Variants in PPP1R9A observed in about 807,000 individuals in gnomAD.
PPP1R9A encodes the protein neurabin-1.
In PPP1R9A, 59 loss-of-function variants were observed where a neutral mutation model predicts 141.9. The observed-to-expected ratio is 0.42, with a 90% CI of 0.34 to 0.52. The LOEUF (loss-of-function observed/expected upper bound fraction) is 0.52, where lower values mean the gene tolerates loss of function less well. Among genes scored for constraint, PPP1R9A ranks in the 20% least tolerant of loss-of-function variants. The pLI, the probability that PPP1R9A is intolerant of heterozygous loss-of-function variation, is 0.10. For missense variants in PPP1R9A, 1,444 were observed against 1,611.9 expected (o/e 0.90, Z 1.78); for synonymous variants, 500 against 569.7 (o/e 0.88, Z 1.74).
intron 4 of PPP1R9A, among the ~76,000 whole-genome samples, chr7:95,129,298 A>T (rs1248978327): frequency 6.6e-6 from 1 of 152,112 alleles, no homozygotes; most frequent in Non-Finnish European, 1.5e-5. Context: ...TATTCTTGTG[A>T]TAGTGAATGA....
chr7:95,037,237 T>C, intron 2 of PPP1R9A: 1 of 152,130 alleles, frequency 6.6e-6, no homozygotes, highest in Non-Finnish European at 1.5e-5. Flanking sequence ...GTTGGAAAAT[T>C]TCCATTATTA....
chr7:94,937,965 A>G (rs772359207), intron 2 of PPP1R9A, among the ~76,000 whole-genome samples: 20 of 152,180 alleles, frequency 1.3e-4, no homozygotes, highest in Non-Finnish European at 2.8e-4. Flanking sequence ...CCCAGGTACC[A>G]TCAGAGTTTT....
intron 7 of PPP1R9A, among the ~76,000 whole-genome samples, chr7:95,216,826 A>G (rs1432559643): frequency 6.6e-6 from 1 of 152,168 alleles, no homozygotes; most frequent in Non-Finnish European, 1.5e-5. Context: ...TTGTATCCTG[A>G]GACTTTGCTG....
At chr7:94,917,063 G>T (rs371200370) in intron 2 of PPP1R9A, among the ~76,000 whole-genome samples, 2 of 152,222 alleles carry the variant, frequency 1.3e-5, no homozygotes, top group East Asian at 3.9e-4. Flanking sequence ...TGATCTGACC[G>T]CGTTGGCCTC....
At chr7:95,100,222 C>A (rs1283329641) in intron 2 of PPP1R9A, among the ~76,000 whole-genome samples, 2 of 151,868 alleles carry the variant, frequency 1.3e-5, no homozygotes, top group African/African-American at 4.8e-5. Flanking sequence ...GAGTTTGAGA[C>A]CAGCCTGGGC....
At chr7:95,170,830 A>T (rs1197715423) in intron 5 of PPP1R9A, among the ~76,000 whole-genome samples, 1 of 151,656 alleles carries the variant, frequency 6.6e-6, no homozygotes, top group Non-Finnish European at 1.5e-5. Context: ...TTCATTTTTT[A>T]AAAAATTATT....
chr7:95,192,924 G>A (rs867202843), intron 5 of PPP1R9A, among the ~76,000 whole-genome samples: 7 of 152,060 alleles, frequency 4.6e-5, no homozygotes, highest in Non-Finnish European at 8.8e-5. Flanking sequence ...AGACACTTAA[G>A]AACGTATAGG....
At position 95,291,396 on chromosome 7, in the gene PPP1R9A, T is replaced by A. The variant is rs1806337329; in HGVS notation, c.*1093T>A. ...AGTTAGAGGAAACTGTCAGTTAACA[T>A]TTTAGAGAGATTTTGAATGGTTTTT... is the stretch of plus-strand genomic sequence containing the variant. On this transcript the variant is annotated 3_prime_UTR_variant, in exon 20 of 20. Transcript: ENST00000433360. 6.6e-6 allele frequency: 1 copy of A among 152,212 alleles called. No homozygotes were observed. The highest frequency in any genetic ancestry group is 2.1e-4 in the South Asian group (1 of 4,832). 9.4% of individuals were successfully genotyped at this position (152,212 alleles called of 1,614,324 possible).
rs1355627174 is a variant in PPP1R9A at position 95,294,158 on chromosome 7, A to G, written c.*3855A>G. 6.6e-6 allele frequency: 1 copy of G among 152,184 alleles called. No homozygotes were observed. The highest frequency in any genetic ancestry group is 1.5e-5 in the Non-Finnish European group (1 of 68,036). The allele number at this position is 152,184 out of a possible 1,614,324, so 9.4% of individuals were successfully genotyped here. ...AAAAGGTAAAATGGAAGAGAAAAGC[A>G]CAGTCCTTTCCTGTCTTTTCAAATT... is the stretch of plus-strand genomic sequence containing the variant. On this transcript the variant is annotated 3_prime_UTR_variant, in exon 20 of 20. Coordinates refer to ENST00000433360, the MANE Select transcript of PPP1R9A (RefSeq NM_001166160.2).
chr7:95,051,632 G>A (rs895746568), intron 2 of PPP1R9A, among the ~76,000 whole-genome samples: 1 of 151,950 alleles, frequency 6.6e-6, no homozygotes. Flanking sequence ...AATTTACTGA[G>A]GTATGAAAAA....
chr7:95,129,335 AAGG>A (rs773518595), intron 4 of PPP1R9A, among the ~76,000 whole-genome samples: 43 of 152,312 alleles, frequency 2.8e-4, no homozygotes, highest in Middle Eastern at 3.4e-3. Context: ...TGATTTTAAA[AAGG>A]AGAGATTCTC....
In PPP1R9A at chr7:95,260,542, G is replaced by A. The variant is rs1461462844; in HGVS notation, c.2666-8008G>A. 2.0e-5 allele frequency among the ~76,000 whole-genome samples: 3 copies of A among 152,032 alleles called. No individual in the cohort carries two copies. In the East Asian group the frequency reaches 5.8e-4, roughly 29 times the overall value. ...AAAAATACAAAAATTAGCTGGGCCT[G>A]GTGGTGGGCACCTGTAATCCCAGCT... On this transcript the variant is annotated intron_variant, in intron 12 of 19. Coordinates refer to ENST00000433360, the MANE Select transcript of PPP1R9A (RefSeq NM_001166160.2).
At chr7:95,214,527 T>C (rs950499981) in intron 7 of PPP1R9A, among the ~76,000 whole-genome samples, 1 of 152,180 alleles carries the variant, frequency 6.6e-6, no homozygotes, top group Non-Finnish European at 1.5e-5. Flanking sequence ...TCTTTTTTTT[T>C]CAACTAATCT....
chr7:95,267,144 T>G (rs1422325034), intron 12 of PPP1R9A, among the ~76,000 whole-genome samples: 1 of 152,128 alleles, frequency 6.6e-6, no homozygotes, highest in Non-Finnish European at 1.5e-5. Context: ...GTTAGAGCCA[T>G]ATACTAAGTG....
rs199976572 is a variant in PPP1R9A at position 94,910,754 on chromosome 7, C to G, written c.641C>G (p.Ser214Cys). 140 of 1,614,018 alleles carry G rather than the reference C, an allele frequency of 8.7e-5. No homozygotes were observed. Among genetic ancestry groups the G allele is most frequent in the Non-Finnish European group, 1.1e-4 (135 of 1,180,048 alleles). The stretch of plus-strand genomic sequence containing the variant: ...AGTGCAGTATTTGAGAACACTGATT[C>G]TCCCAGTGCCATCATTTCTGAGAAG... ...QLSAVFENTD[S>C]PSAIISEKAE... Residue 214 changes from serine (S) to cysteine (C), a missense_variant, in exon 2 of 20, where the codon TCT becomes TGT. Physicochemically the swap from Ser to Cys is moderately radical, Grantham distance 112 (BLOSUM62 -1). This residue lies in a region of PPP1R9A where 490 missense variants were observed against 521.1 expected (regional missense o/e 0.94). Coordinates refer to ENST00000433360, the MANE Select transcript of PPP1R9A (RefSeq NM_001166160.2). The surrounding 1 kb of genome is among the most constrained non-coding windows in gnomAD (Gnocchi z 4.5).
intron 5 of PPP1R9A, among the ~76,000 whole-genome samples, chr7:95,170,669 T>C (rs1266651895): frequency 5.3e-5 from 8 of 151,408 alleles, no homozygotes; most frequent in Non-Finnish European, 8.9e-5. Flanking sequence ...AGACCTTCTA[T>C]ACAGAAGCTA....
chr7:95,080,673 T>C (rs1250913003), intron 2 of PPP1R9A, among the ~76,000 whole-genome samples: 3 of 152,334 alleles, frequency 2.0e-5, no homozygotes, highest in African/African-American at 7.2e-5. Flanking sequence ...GGCATCACGC[T>C]ACCTGACTTC....
At chr7:95,042,486 CATCAAGTGAAA>C (rs1327497440) in intron 2 of PPP1R9A, among the ~76,000 whole-genome samples, 1 of 152,176 alleles carries the variant, frequency 6.6e-6, no homozygotes, top group African/African-American at 2.4e-5. Flanking sequence ...TTTTTCATCT[CATCAAGTGAAA>C]ATACCAAATT....
intron 2 of PPP1R9A, among the ~76,000 whole-genome samples, chr7:95,106,459 T>C (rs1256941667): frequency 1.3e-5 from 2 of 152,170 alleles, no homozygotes; most frequent in African/African-American, 4.8e-5. Flanking sequence ...AGCTTAACGA[T>C]GTATGTATCT....
Sources: allele counts gnomAD v4.1 joint callset (sites outside exome capture counted in the v4.1 genomes callset), GRCh38; gene constraint gnomAD v4.1.1; regional missense constraint gnomAD v4.1.1; non-coding constraint Gnocchi (gnomAD v3.1); transcripts MANE v1.5; gene names NCBI Gene and HGNC (gene_info 2026-07-23, HGNC 2026-07-21).